The following ATG14 variants were observed in gnomAD, a reference collection of about 807,000 sequenced individuals.
ATG14 encodes autophagy related 14.
ATG14 carries 35 observed loss-of-function variants against 60.4 expected under a neutral mutation model. The observed-to-expected ratio is 0.58, with a 90% CI of 0.44 to 0.77. ATG14 has a LOEUF of 0.77. Ranked by LOEUF, ATG14 falls within the 30% of genes least tolerant of loss-of-function variation. The probability of loss-of-function intolerance (pLI) is 0.00; values close to 1 mark genes in which losing one functional copy is unlikely to be tolerated. For missense variants in ATG14, 647 were observed against 626.3 expected (o/e 1.03, Z -0.35); for synonymous variants, 234 against 228.8 (o/e 1.02, Z -0.21).
chr14:55,379,915 A>G (rs187637130), intron 7 of ATG14, among the ~76,000 whole-genome samples: 3 of 152,252 alleles, frequency 2.0e-5, no homozygotes, highest in Admixed American at 1.3e-4. Context: ...TGAATTTTAA[A>G]CCATGTGAGT....
At chr14:55,382,606 C>A (rs535713929) in intron 5 of ATG14, among the ~76,000 whole-genome samples, 1 of 152,290 alleles carries the variant, frequency 6.6e-6, no homozygotes, top group South Asian at 2.1e-4. Context: ...CTACCGTGAC[C>A]AGCCAAAGTG....
chr14:55,366,692 T>C lies in ATG14; in HGVS notation c.*2927A>G, dbSNP rs1391051931. ...CTTTAACAGACCATTTTAAGCAGCC[T>C]GTTTGGTGCCTGTGGGTTTTTATTA... On this transcript the variant is annotated 3_prime_UTR_variant, in exon 10 of 10. Transcript: ENST00000247178. 6.6e-6 allele frequency: 1 copy of C among 152,588 alleles called. No individual in the cohort carries two copies. Among genetic ancestry groups the C allele is most frequent in the Non-Finnish European group, 1.5e-5 (1 of 68,044 alleles). The allele number at this position is 152,588 out of a possible 1,614,324, so 9.5% of individuals were successfully genotyped here. A position where few individuals can be genotyped will look rare whatever the true frequency, so the allele number is the denominator to read the frequency against.
At chr14:55,374,408 T>C (rs537100090) in intron 9 of ATG14, among the ~76,000 whole-genome samples, 1 of 152,358 alleles carries the variant, frequency 6.6e-6, no homozygotes, top group African/African-American at 2.4e-5. Flanking sequence ...GTCTTTCCTG[T>C]ACTGATTTGA....
intron 1 of ATG14, among the ~76,000 whole-genome samples, chr14:55,407,529 T>C (rs888136342): frequency 6.6e-6 from 1 of 152,206 alleles, no homozygotes; most frequent in Non-Finnish European, 1.5e-5. Context: ...CCTCCCAAAG[T>C]GCTGGGATTA....
intron 4 of ATG14, among the ~76,000 whole-genome samples, chr14:55,389,266 C>T (rs1885174971): frequency 2.0e-5 from 3 of 151,680 alleles, no homozygotes; most frequent in Non-Finnish European, 4.4e-5. Flanking sequence ...CACAGATGCC[C>T]GGTGGCAAAG....
intron 9 of ATG14, among the ~76,000 whole-genome samples, chr14:55,371,436 T>C (rs984486051): frequency 6.6e-6 from 1 of 152,132 alleles, no homozygotes; most frequent in African/African-American, 2.4e-5. Flanking sequence ...CCAGGGACTG[T>C]TTTTAGGGCT....
intron 1 of ATG14, among the ~76,000 whole-genome samples, chr14:55,404,108 C>G (rs1163992789): frequency 6.6e-6 from 1 of 152,150 alleles, no homozygotes; most frequent in African/African-American, 2.4e-5. Context: ...TAGATCAGCT[C>G]AAGAGGAGTT....
chr14:55,402,884 C>A (rs1175595149), intron 1 of ATG14, among the ~76,000 whole-genome samples: 4 of 69,338 alleles, frequency 5.8e-5, no homozygotes, highest in Non-Finnish European at 1.0e-4. Context: ...TAGTAAGACT[C>A]CATCTCTACA....
At chr14:55,399,660 G>A (rs967337593) in intron 1 of ATG14, among the ~76,000 whole-genome samples, 5 of 152,156 alleles carry the variant, frequency 3.3e-5, no homozygotes, top group South Asian at 2.1e-4. Context: ...GACTAATATA[G>A]TATTTACTTT....
Position 55,411,766 on chromosome 14 carries a change from G to C in ATG14, c.57C>G (p.Pro19=), listed in dbSNP as rs1338915707. ...ARALEAPGCG[P]RPLARDLVDS... is the part of the protein sequence containing the mutation. Reference sequence around the variant, plus strand: ...CCACCAGGTCCCGGGCGAGCGGCCGGGGCCCGCAGCCAGGAGCCTCCAGCG... The same window carrying C: ...CCACCAGGTCCCGGGCGAGCGGCCGCGGCCCGCAGCCAGGAGCCTCCAGCG... Residue 19 remains proline, a synonymous_variant, in exon 1 of 10, where the codon CCC becomes CCG. Transcript: ENST00000247178. The C allele has an allele frequency of 6.2e-7, 1 of 1,606,348 alleles. No individual in the cohort carries two copies. The highest frequency in any genetic ancestry group is 8.5e-7 in the Non-Finnish European group (1 of 1,177,070).
rs1389683721 is a variant in ATG14 at position 55,378,134 on chromosome 14, T to C, written c.996-60A>G. 5 of 1,474,682 alleles carry C rather than the reference T, an allele frequency of 3.4e-6. No individual in the cohort carries two copies. In the East Asian group the frequency reaches 7.0e-5, roughly 21 times the overall value. 91.3% of individuals were successfully genotyped at this position (1,474,682 alleles called of 1,614,324 possible). ...TTTTTGAGGAAATTCTATGTTAAAA[T>C]TTCCATTTACAGTACAATTAGGTAT... On this transcript the variant is annotated intron_variant, in intron 7 of 9. Coordinates refer to ENST00000247178, the MANE Select transcript of ATG14 (RefSeq NM_014924.5).
chr14:55,401,038 C>T (rs532058166), intron 1 of ATG14, among the ~76,000 whole-genome samples: 1 of 152,212 alleles, frequency 6.6e-6, no homozygotes, highest in East Asian at 1.9e-4. Context: ...ATACAGTTTA[C>T]AACCCCACCA....
chr14:55,402,502 G>A (rs1007491253), intron 1 of ATG14, among the ~76,000 whole-genome samples: 1 of 152,096 alleles, frequency 6.6e-6, no homozygotes, highest in South Asian at 2.1e-4. Context: ...CTAATAGCAA[G>A]AAACTGGAAA....
intron 9 of ATG14, among the ~76,000 whole-genome samples, chr14:55,375,596 A>G (rs554226246): frequency 6.8e-6 from 1 of 146,062 alleles, no homozygotes; most frequent in Non-Finnish European, 1.5e-5. Context: ...CTCCCACTTC[A>G]GCCTCCCAAG....
chr14:55,371,097 T>G (rs142429580), intron 9 of ATG14, among the ~76,000 whole-genome samples: 40 of 152,252 alleles, frequency 2.6e-4, no homozygotes, highest in African/African-American at 8.7e-4. Flanking sequence ...AAGGTGCCGC[T>G]CTCTCCCTGC....
At chr14:55,404,123 A>G (rs1384850833) in intron 1 of ATG14, among the ~76,000 whole-genome samples, 4 of 152,190 alleles carry the variant, frequency 2.6e-5, no homozygotes, top group Non-Finnish European at 4.4e-5. Context: ...GGAGTTCACA[A>G]ATATCTATCC....
intron 1 of ATG14, among the ~76,000 whole-genome samples, chr14:55,406,440 G>C (rs532918572): frequency 2.0e-5 from 3 of 152,248 alleles, no homozygotes; most frequent in Non-Finnish European, 4.4e-5. Flanking sequence ...AGAGTCTAAA[G>C]GCAATCACAG....
At chr14:55,378,162 C>T (rs1884956714) in intron 7 of ATG14, 88 bp from the exon 8 acceptor site, 4 of 1,086,998 alleles carry the variant, frequency 3.7e-6, no homozygotes, top group East Asian at 5.1e-5. Context: ...TTAGGTATAA[C>T]ACATACTCTG....
At chr14:55,408,396 C>A (rs1167107892) in intron 1 of ATG14, among the ~76,000 whole-genome samples, 1 of 152,158 alleles carries the variant, frequency 6.6e-6, no homozygotes, top group African/African-American at 2.4e-5. Context: ...GTCAAAGCTG[C>A]AGTGAGCTGT....
Sources: allele counts gnomAD v4.1 joint callset (sites outside exome capture counted in the v4.1 genomes callset), GRCh38; gene constraint gnomAD v4.1.1; transcripts MANE v1.5; gene names NCBI Gene and HGNC (gene_info 2026-07-23, HGNC 2026-07-21).